Variants in DPP6 observed in about 807,000 individuals in gnomAD.
DPP6 encodes the protein dipeptidyl peptidase like 6, also known as A-type potassium channel modulatory protein DPP6.
DPP6 carries 69 observed loss-of-function variants against 122.6 expected under a neutral mutation model. That is an observed-to-expected ratio of 0.56 (90% CI 0.46 to 0.69). DPP6 has a LOEUF of 0.69. DPP6 is among the 30% of genes least tolerant of loss of function. The pLI, the probability that DPP6 is intolerant of heterozygous loss-of-function variation, is 0.00. For synonymous variants in DPP6, 418 were observed against 433.1 expected (o/e 0.97, Z 0.43); for missense variants, 928 against 1,116.9 (o/e 0.83, Z 2.41).
chr7:154,100,329 CTGTT>C (rs1468363102), intron 1 of DPP6, among the ~76,000 whole-genome samples: 1 of 95,682 alleles, frequency 1.0e-5, no homozygotes, highest in African/African-American at 4.4e-5. Context: ...GACCACCTGC[CTGTT>C]TGTCTTTGCC....
rs1161695711 is a variant in DPP6, at chr7:154,806,987, C to T, written c.1548-7C>T. The T allele has an allele frequency of 1.1e-5, 18 of 1,613,530 alleles. No homozygotes were observed. The highest frequency in any genetic ancestry group is 2.2e-5 in the South Asian group (2 of 91,050). On this transcript the variant is annotated splice_region_variant and splice_polypyrimidine_tract_variant and intron_variant, in intron 15 of 25. Coordinates refer to ENST00000377770, the MANE Select transcript of DPP6 (RefSeq NM_130797.4). ...CACATTCACACCTGCGTCCTTTGCT[C>T]TTCCAGTGCCAACACGGTGGGCAAC...
chr7:154,173,583 G>A (rs935748073), intron 1 of DPP6, among the ~76,000 whole-genome samples: 3 of 151,728 alleles, frequency 2.0e-5, no homozygotes, highest in East Asian at 1.9e-4. Context: ...TCCACCTCCC[G>A]CTGCTCCCTG....
intron 1 of DPP6, among the ~76,000 whole-genome samples, chr7:153,954,092 A>G (rs2129023393): frequency 6.6e-6 from 1 of 152,360 alleles, no homozygotes; most frequent in East Asian, 1.9e-4. Flanking sequence ...CTTCTATAAA[A>G]TGCCTTCACT....
intron 7 of DPP6, among the ~76,000 whole-genome samples, chr7:154,716,122 C>T (rs183050111): frequency 8.9e-4 from 136 of 152,258 alleles, no homozygotes; most frequent in African/African-American, 3.2e-3. Flanking sequence ...TTAGGCCTCC[C>T]CACCTCCAGA....
chr7:154,718,635 T>C (rs1454217462), intron 7 of DPP6, among the ~76,000 whole-genome samples: 2 of 39,530 alleles, frequency 5.1e-5, no homozygotes, highest in Non-Finnish European at 8.7e-5. Flanking sequence ...TTCCTCCTCC[T>C]TTTTTTTTTT....
At chr7:154,597,497 C>G (rs1833167987) in intron 5 of DPP6, among the ~76,000 whole-genome samples, 1 of 151,940 alleles carries the variant, frequency 6.6e-6, no homozygotes, top group African/African-American at 2.4e-5. Context: ...CCTGTAGTCC[C>G]AGCTACTCAG....
At chr7:154,664,286 C>A (rs36055630) in intron 6 of DPP6, among the ~76,000 whole-genome samples, 5,606 of 152,330 alleles carry the variant, frequency 0.037, 158 homozygotes, top group Non-Finnish European at 0.055. Context: ...AGTGTTCATG[C>A]AGTCTTGCAA....
At chr7:154,520,782 T>G (rs1826910552) in intron 3 of DPP6, among the ~76,000 whole-genome samples, 2 of 152,196 alleles carry the variant, frequency 1.3e-5, no homozygotes, top group African/African-American at 4.8e-5. Flanking sequence ...TTGCGTCTAG[T>G]AAGACCTCCT....
intron 7 of DPP6, among the ~76,000 whole-genome samples, chr7:154,682,912 G>A: frequency 1.9e-5 from 1 of 53,346 alleles, no homozygotes; most frequent in African/African-American, 4.2e-5. Flanking sequence ...TTCAATGACA[G>A]ACCACTTTGG....
intron 1 of DPP6, among the ~76,000 whole-genome samples, chr7:154,076,230 G>A (rs993994012): frequency 2.0e-5 from 3 of 151,694 alleles, no homozygotes; most frequent in Middle Eastern, 3.2e-3. Context: ...CAGGTGGATC[G>A]CCTGAGGTCA....
intron 1 of DPP6, among the ~76,000 whole-genome samples, chr7:154,222,527 C>T (rs7795038): frequency 0.85 from 124,798 of 146,954 alleles, 53,961 homozygotes; most frequent in African/African-American, 0.89. Context: ...TGGTGGCGCA[C>T]GCCTGTAATC....
intron 1 of DPP6, among the ~76,000 whole-genome samples, chr7:154,215,156 C>G (rs1164652155): frequency 2.0e-5 from 3 of 152,084 alleles, no homozygotes; most frequent in Non-Finnish European, 4.4e-5. Flanking sequence ...AGGAAAGTTA[C>G]AGTGATGGCG....
chr7:154,474,027 T>G (rs1293530886), intron 2 of DPP6, among the ~76,000 whole-genome samples: 3 of 152,162 alleles, frequency 2.0e-5, no homozygotes, highest in Admixed American at 2.0e-4. Flanking sequence ...ATAATGTCCA[T>G]CAGATGTGGT....
intron 3 of DPP6, among the ~76,000 whole-genome samples, chr7:154,490,211 C>T (rs562081738): frequency 4.6e-5 from 7 of 152,310 alleles, no homozygotes; most frequent in Admixed American, 2.0e-4. Context: ...CTAAATACAA[C>T]GGTACCAATT....
chr7:154,620,075 GA>G (rs1195927095), intron 5 of DPP6, among the ~76,000 whole-genome samples: 1 of 152,188 alleles, frequency 6.6e-6, no homozygotes, highest in African/African-American at 2.4e-5. Context: ...TGATGCAAGT[GA>G]AGGGTCTGAG....
the DPP6 span, among the ~76,000 whole-genome samples, chr7:153,748,948 C>T: frequency 1.3e-5 from 2 of 151,800 alleles, no homozygotes; most frequent in African/African-American, 4.8e-5. Flanking sequence ...TTCCTCTGGA[C>T]ATGAATCAAA....
intron 1 of DPP6, among the ~76,000 whole-genome samples, chr7:154,152,355 A>C (rs1226702182): frequency 6.6e-6 from 1 of 152,150 alleles, no homozygotes; most frequent in East Asian, 1.9e-4. Flanking sequence ...ATTGCATGTT[A>C]CCATCAGGAT....
chr7:154,883,364 A>T (rs1212770300), intron 21 of DPP6, among the ~76,000 whole-genome samples: 2 of 139,556 alleles, frequency 1.4e-5, no homozygotes, highest in African/African-American at 5.3e-5. Context: ...ACACATGCTC[A>T]CACACACGAT....
intron 16 of DPP6, among the ~76,000 whole-genome samples, chr7:154,815,810 A>G (rs1217110085): frequency 2.0e-5 from 3 of 152,158 alleles, no homozygotes; most frequent in Non-Finnish European, 4.4e-5. Flanking sequence ...ATGATTAGGG[A>G]GCTACTTTCC....
Sources: allele counts gnomAD v4.1 joint callset (sites outside exome capture counted in the v4.1 genomes callset), GRCh38; gene constraint gnomAD v4.1.1; transcripts MANE v1.5; gene names NCBI Gene and HGNC (gene_info 2026-07-23, HGNC 2026-07-21).